Variants in CDKAL1 observed in about 807,000 individuals in gnomAD.
CDKAL1 encodes the protein CDKAL1 threonylcarbamoyladenosine tRNA methylthiotransferase.
Under a neutral mutation model 68.2 loss-of-function variants are expected in CDKAL1, and 32 were observed. The observed-to-expected ratio is 0.47, with a 90% CI of 0.35 to 0.63. The LOEUF (loss-of-function observed/expected upper bound fraction) is 0.63. Among genes scored for constraint, CDKAL1 ranks in the 30% least tolerant of loss-of-function variants. CDKAL1 has a pLI of 0.00. For synonymous variants in CDKAL1, 234 were observed against 244.3 expected, an observed-to-expected ratio of 0.96 and a Z score of 0.39; for missense variants, 606 against 696.7, an observed-to-expected ratio of 0.87 and a Z score of 1.47.
chr6:21,092,933 A>T lies in CDKAL1; in HGVS notation c.1237-15468A>T, dbSNP rs958401319. Among the ~76,000 whole-genome samples the T allele has an allele frequency of 2.0e-5, 3 of 147,602 alleles. No homozygotes were observed. The South Asian group carries it at 6.3e-4, about 31-fold the overall frequency. ...AGAAAATCTCTAGAAAGTAGAACCA[A>T]AAAAAAAAATAAGATGAAAAATAGA... On this transcript the variant is annotated intron_variant, in intron 12 of 15. Coordinates refer to ENST00000274695, the MANE Select transcript of CDKAL1 (RefSeq NM_017774.3).
At chr6:20,538,294 G>A (rs13203631) in intron 2 of CDKAL1, among the ~76,000 whole-genome samples, 25,266 of 150,092 alleles carry the variant, frequency 0.17, 2,503 homozygotes, top group African/African-American at 0.28. Context: ...TTTCCTTTAC[G>A]CATTGTTTTC....
intron 15 of CDKAL1, among the ~76,000 whole-genome samples, chr6:21,205,669 C>T (rs13213969): frequency 0.41 from 57,223 of 139,158 alleles, 11,256 homozygotes; most frequent in African/African-American, 0.46. Flanking sequence ...TAGCTGGGAC[C>T]ACAGGAACCC....
intron 15 of CDKAL1, among the ~76,000 whole-genome samples, chr6:21,204,771 C>A (rs944887350): frequency 6.7e-6 from 1 of 148,624 alleles, no homozygotes; most frequent in Non-Finnish European, 1.5e-5. Context: ...CCTTTGTTTT[C>A]GTTTTTGTGT....
intron 12 of CDKAL1, among the ~76,000 whole-genome samples, chr6:21,066,034 G>A (rs1428933828): frequency 6.6e-6 from 1 of 150,838 alleles, no homozygotes; most frequent in Non-Finnish European, 1.5e-5. Flanking sequence ...AAAAAATTAT[G>A]CCCTGTCATT....
At chr6:20,548,810 T>G (rs948551962) in intron 4 of CDKAL1, 105 bp downstream of exon 4, 10 of 575,078 alleles carry the variant, frequency 1.7e-5, no homozygotes, top group Non-Finnish European at 2.8e-5. Context: ...ACAGTGATTT[T>G]AAGGTGAAAC....
At chr6:20,675,065 T>TA (rs1178043704) in intron 5 of CDKAL1, among the ~76,000 whole-genome samples, 1 of 152,092 alleles carries the variant, frequency 6.6e-6, no homozygotes, top group Non-Finnish European at 1.5e-5. Context: ...GTAAATTTCA[T>TA]ATGGTTTTTT....
intron 5 of CDKAL1, among the ~76,000 whole-genome samples, chr6:20,651,461 C>T (rs1043175776): frequency 2.6e-5 from 4 of 152,170 alleles, no homozygotes; most frequent in Non-Finnish European, 5.9e-5. Flanking sequence ...TGGGCTGAGA[C>T]GATGGGGTTT....
chr6:20,658,430 A>AAG lies in CDKAL1; in HGVS notation c.371+9055_371+9056dup, dbSNP rs1198987983. On this transcript the variant is annotated intron_variant, in intron 5 of 15. Coordinates refer to ENST00000274695, the MANE Select transcript of CDKAL1 (RefSeq NM_017774.3). ...TTGAAAATAAAGGCAGAACTGGATA[A>AAG]AGACAAAAAATGTGTGTTTGAGACA... 7.9e-5 allele frequency among the ~76,000 whole-genome samples: 12 copies of AAG among 152,222 alleles called. 1 individual carries two copies. The highest frequency in any genetic ancestry group is 7.8e-4 in the Admixed American group (12 of 15,288).
chr6:20,887,395 C>T (rs1281885040), intron 9 of CDKAL1, among the ~76,000 whole-genome samples: 4 of 152,092 alleles, frequency 2.6e-5, no homozygotes, highest in Admixed American at 2.6e-4. Context: ...TAGTCGTAAC[C>T]ACCAAAAATT....
At position 21,038,743 on chromosome 6, in the gene CDKAL1, ATTC is replaced by A. The variant is rs746743800; in HGVS notation, c.1056-26298_1056-26296del. Among the ~76,000 whole-genome samples the A allele has an allele frequency of 1.2e-4, 18 of 152,268 alleles. No individual in the cohort carries two copies. The East Asian group carries it at 1.9e-3, about 16-fold the overall frequency. On this transcript the variant is annotated intron_variant, in intron 11 of 15. Transcript: ENST00000274695. ...TGTATTTTATGTATGGCCCAAGACAATTCTTCTTCCAGTGTGGCCCAGAGAAGC... is the reference window on the plus strand; with the variant it reads ...TGTATTTTATGTATGGCCCAAGACAATTCTTCCAGTGTGGCCCAGAGAAGC...
intron 13 of CDKAL1, among the ~76,000 whole-genome samples, chr6:21,124,290 T>C (rs10946430): frequency 0.53 from 80,998 of 151,814 alleles, 22,579 homozygotes; most frequent in African/African-American, 0.7. Flanking sequence ...TTCTTCTGGC[T>C]TCTCTGGCTT....
rs149170049 is a variant in CDKAL1 at position 20,842,352 on chromosome 6, G to A, written c.639-3723G>A. Among the ~76,000 whole-genome samples the A allele has an allele frequency of 6.1e-3, 930 of 152,094 alleles. 9 individuals carry two copies. The highest frequency in any genetic ancestry group is 0.021 in the African/African-American group (876 of 41,486). On this transcript the variant is annotated intron_variant, in intron 8 of 15. Transcript: ENST00000274695. Reference sequence around the variant, plus strand: ...ACTGTTATAGCAAGTTTAAAGAAACGTACTCTTGTACCCTATAAATATATA... The same window carrying A: ...ACTGTTATAGCAAGTTTAAAGAAACATACTCTTGTACCCTATAAATATATA...
chr6:20,967,039 C>T (rs1406875216), intron 10 of CDKAL1, among the ~76,000 whole-genome samples: 1 of 152,200 alleles, frequency 6.6e-6, no homozygotes. Context: ...CTAATGGTTA[C>T]TGACAATACT....
intron 13 of CDKAL1, among the ~76,000 whole-genome samples, chr6:21,113,203 A>G (rs1774208818): frequency 6.6e-6 from 1 of 152,252 alleles, no homozygotes. Flanking sequence ...ATCAGTTTAC[A>G]TTCGGAAACA....
At chr6:20,934,721 C>T (rs1000072967) in intron 9 of CDKAL1, among the ~76,000 whole-genome samples, 7 of 151,852 alleles carry the variant, frequency 4.6e-5, no homozygotes, top group Non-Finnish European at 8.8e-5. Context: ...GTGGGATGCC[C>T]CTGTAGTCCC....
chr6:20,593,876 G>A, intron 4 of CDKAL1, among the ~76,000 whole-genome samples: 1 of 152,188 alleles, frequency 6.6e-6, no homozygotes, highest in East Asian at 1.9e-4. Context: ...GGTACGTTGT[G>A]TCTTTGTTCT....
intron 5 of CDKAL1, among the ~76,000 whole-genome samples, chr6:20,666,866 A>G (rs1769572988): frequency 6.6e-6 from 1 of 152,090 alleles, no homozygotes; most frequent in Non-Finnish European, 1.5e-5. Flanking sequence ...TTCTAGTATC[A>G]TCTTACCACT....
At position 20,818,917 on chromosome 6, in the gene CDKAL1, T is replaced by C. The variant is rs548866288; in HGVS notation, c.639-27158T>C. Among the ~76,000 whole-genome samples, 5 of 152,112 alleles carry C rather than the reference T, an allele frequency of 3.3e-5. No homozygotes were observed. The East Asian group carries it at 9.7e-4, about 29-fold the overall frequency. The stretch of plus-strand genomic sequence containing the variant: ...AGAATTTAGGTTGTACAAAATGTTT[T>C]AAAAAGCTCTGTGTGTTATTAACTG... On this transcript the variant is annotated intron_variant, in intron 8 of 15. Coordinates refer to ENST00000274695, the MANE Select transcript of CDKAL1 (RefSeq NM_017774.3).
intron 4 of CDKAL1, among the ~76,000 whole-genome samples, chr6:20,634,199 T>C (rs921662636): frequency 2.2e-4 from 33 of 152,230 alleles, no homozygotes; most frequent in Non-Finnish European, 4.1e-4. Flanking sequence ...TAGGGCCTGC[T>C]CCTTTACTAA....
Sources: allele counts gnomAD v4.1 joint callset (sites outside exome capture counted in the v4.1 genomes callset), GRCh38; gene constraint gnomAD v4.1.1; transcripts MANE v1.5; gene names NCBI Gene and HGNC (gene_info 2026-07-23, HGNC 2026-07-21).